KIF1B: variants seen among roughly 807,000 people sequenced by gnomAD.
KIF1B encodes kinesin-like protein KIF1B.
Under a neutral mutation model 241.9 loss-of-function variants are expected in KIF1B, and 76 were observed. The ratio of observed to expected loss-of-function variants is 0.31; its 90% CI spans 0.26 to 0.38. KIF1B has a LOEUF of 0.38. KIF1B is among the 10% of genes least tolerant of loss of function. The pLI is 1.00. For missense variants in KIF1B, 1,622 were observed against 2,271.4 expected (o/e 0.71, Z 5.81); for synonymous variants, 750 against 796.7 (o/e 0.94, Z 0.99).
intron 22 of KIF1B, among the ~76,000 whole-genome samples, chr1:10,299,813 C>G (rs530394327): frequency 6.6e-6 from 1 of 152,122 alleles, no homozygotes; most frequent in African/African-American, 2.4e-5. Context: ...TGCATAAGTT[C>G]CTTGCAGAGT....
chr1:10,330,053 C>G (rs1651865582), intron 27 of KIF1B, among the ~76,000 whole-genome samples: 1 of 152,162 alleles, frequency 6.6e-6, no homozygotes, highest in Admixed American at 6.6e-5. Flanking sequence ...CCAGTTTGTT[C>G]CACTTTTTGA....
intron 27 of KIF1B, among the ~76,000 whole-genome samples, chr1:10,333,424 G>T (rs1652033167): frequency 6.6e-6 from 1 of 152,070 alleles, no homozygotes. Flanking sequence ...AGGCGCGGTG[G>T]CTCACGCCTG....
intron 38 of KIF1B, among the ~76,000 whole-genome samples, chr1:10,355,183 C>T (rs1206046688): frequency 6.6e-6 from 1 of 152,170 alleles, no homozygotes; most frequent in African/African-American, 2.4e-5. Context: ...GGAGAGGGAC[C>T]CATGTTATTG....
intron 44 of KIF1B, among the ~76,000 whole-genome samples, chr1:10,369,647 G>A (rs12724395): frequency 1.3e-5 from 2 of 151,842 alleles, no homozygotes; most frequent in African/African-American, 4.8e-5. Flanking sequence ...ATAACGGACT[G>A]GGGGGCTGGC....
intron 17 of KIF1B, among the ~76,000 whole-genome samples, chr1:10,293,600 C>A (rs904740770): frequency 6.6e-6 from 1 of 151,940 alleles, no homozygotes; most frequent in Admixed American, 6.6e-5. Context: ...ACCATGTTGG[C>A]CAAGGGTGGT....
intron 34 of KIF1B, chr1:10,345,644 T>C: frequency 1.7e-6 from 1 of 583,156 alleles, no homozygotes; most frequent in Non-Finnish European, 3.1e-6. Context: ...TTCTTTATTT[T>C]CCTTGTTCTC....
At chr1:10,277,092 A>T (rs539091922) in intron 12 of KIF1B, among the ~76,000 whole-genome samples, 157 of 152,132 alleles carry the variant, frequency 1.0e-3, no homozygotes, top group Admixed American at 2.4e-3. Flanking sequence ...AAAAAAAAAA[A>T]AATAAATTCT....
chr1:10,370,572 AAAT>A (rs34836490), intron 44 of KIF1B, among the ~76,000 whole-genome samples: 4,901 of 144,852 alleles, frequency 0.034, 125 homozygotes, highest in Middle Eastern at 0.12. Context: ...TCGAAAAAGA[AAAT>A]AATAATAATA....
intron 1 of KIF1B, among the ~76,000 whole-genome samples, chr1:10,222,469 T>C (rs1471770794): frequency 6.6e-6 from 1 of 152,198 alleles, no homozygotes; most frequent in Non-Finnish European, 1.5e-5. Flanking sequence ...TGGCATGAAC[T>C]GATCATTTTT....
At position 10,297,082 on chromosome 1, in the gene KIF1B, T is replaced by C; in HGVS notation, c.2042+5T>C. On this transcript the variant is annotated splice_donor_5th_base_variant and intron_variant, in intron 21 of 48. Coordinates refer to ENST00000676179, the MANE Select transcript of KIF1B (RefSeq NM_001365951.3). The stretch of plus-strand genomic sequence containing the variant: ...GAAACAAGAGATGGAGAAAAGGTAA[T>C]GCACAGTTACGCAGCCCATATGACT... 1.9e-6 allele frequency: 3 copies of C among 1,613,664 alleles called. No homozygotes were observed. The highest frequency in any genetic ancestry group is 2.5e-6 in the Non-Finnish European group (3 of 1,179,942).
intron 2 of KIF1B, among the ~76,000 whole-genome samples, chr1:10,234,627 T>G (rs916114287): frequency 4.6e-5 from 7 of 151,612 alleles, no homozygotes; most frequent in Non-Finnish European, 8.8e-5. Flanking sequence ...GCTCAATCAA[T>G]CCTCCTGTCT....
At chr1:10,339,955 G>C (rs770619342) in intron 32 of KIF1B, 96 bp downstream of exon 32, 47 of 1,002,336 alleles carry the variant, frequency 4.7e-5, no homozygotes, top group Non-Finnish European at 6.6e-5. Flanking sequence ...CAAGTCACTG[G>C]CTGTGCAGGG....
At chr1:10,348,366 A>T (rs542716317) in intron 36 of KIF1B, among the ~76,000 whole-genome samples, 14 of 152,348 alleles carry the variant, frequency 9.2e-5, no homozygotes, top group African/African-American at 3.4e-4. Context: ...AGGGGCTGGG[A>T]TGCAGCCACA....
chr1:10,257,702 G>T (rs1647877251), intron 3 of KIF1B, among the ~76,000 whole-genome samples: 1 of 151,848 alleles, frequency 6.6e-6, no homozygotes, highest in Non-Finnish European at 1.5e-5. Context: ...TAAAGACTGA[G>T]TCTCGCTCTG....
At chr1:10,274,000 G>A (rs529607326) in intron 10 of KIF1B, among the ~76,000 whole-genome samples, 2 of 144,632 alleles carry the variant, frequency 1.4e-5, no homozygotes, top group East Asian at 2.1e-4. Flanking sequence ...ACAGTGGCAC[G>A]ATCTCGGCTC....
chr1:10,259,955 C>T (rs1438276319), intron 4 of KIF1B, among the ~76,000 whole-genome samples: 2 of 150,868 alleles, frequency 1.3e-5, no homozygotes, highest in African/African-American at 4.9e-5. Flanking sequence ...GGCCTAAAAA[C>T]TTAAGAAAAA....
chr1:10,366,050 G>C (rs548301367), intron 43 of KIF1B, among the ~76,000 whole-genome samples: 1 of 152,176 alleles, frequency 6.6e-6, no homozygotes, highest in African/African-American at 2.4e-5. Context: ...GGCCAACATG[G>C]TGAAACCCTG....
At chr1:10,370,587 T>TAAG (rs199712779) in intron 44 of KIF1B, among the ~76,000 whole-genome samples, 2,265 of 135,370 alleles carry the variant, frequency 0.017, 48 homozygotes, top group East Asian at 0.064. Context: ...ATAATAATAA[T>TAAG]AATAATAAGA....
intron 22 of KIF1B, chr1:10,305,249 G>A (rs1300056700): frequency 8.6e-6 from 9 of 1,041,688 alleles, no homozygotes; most frequent in East Asian, 5.8e-5. Flanking sequence ...CAACTTCCAC[G>A]TCTTCTTTTA....
Sources: gnomAD v4.1 joint callset for allele counts (sites outside exome capture counted in the v4.1 genomes callset) on GRCh38, gnomAD v4.1.1 for gene constraint, MANE v1.5 for transcripts, NCBI Gene and HGNC (gene_info 2026-07-23, HGNC 2026-07-21) for gene names.